VSTM4: variants seen among roughly 807,000 people sequenced by gnomAD.
VSTM4 encodes the protein V-set and transmembrane domain containing 4.
A neutral mutation model predicts 36.4 loss-of-function variants in VSTM4; 20 were observed. The ratio of observed to expected loss-of-function variants is 0.55; its 90% confidence interval spans 0.39 to 0.80. VSTM4 has a LOEUF of 0.80. Among genes scored for constraint, VSTM4 ranks in the 30% least tolerant of loss-of-function variants. The pLI is 0.00. For missense variants in VSTM4, 392 were observed against 404.5 expected (o/e 0.97, Z 0.26); for synonymous variants, 182 against 173.9 (o/e 1.05, Z -0.37).
At chr10:49,046,364 C>G (rs1457864687) in intron 7 of VSTM4, among the ~76,000 whole-genome samples, 1 of 152,152 alleles carries the variant, frequency 6.6e-6, no homozygotes, top group Admixed American at 6.5e-5. Flanking sequence ...TGTTGGAAAG[C>G]AAGGAGATGT....
At chr10:49,076,497 T>C (rs915271493) in intron 4 of VSTM4, among the ~76,000 whole-genome samples, 2 of 152,062 alleles carry the variant, frequency 1.3e-5, no homozygotes, top group African/African-American at 2.4e-5. Context: ...AGCCACAGTG[T>C]CCCCAAGCTG....
At chr10:49,093,742 CTTTT>C (rs35299738) in intron 2 of VSTM4, among the ~76,000 whole-genome samples, 1 of 103,660 alleles carries the variant, frequency 9.6e-6, no homozygotes. Flanking sequence ...CATAGTTACT[CTTTT>C]TTTTTTTTTT....
chr10:49,042,900 T>A (rs1221673846), intron 7 of VSTM4, among the ~76,000 whole-genome samples: 1 of 152,168 alleles, frequency 6.6e-6, no homozygotes, highest in Non-Finnish European at 1.5e-5. Context: ...TTACATGATG[T>A]TTGATCAGAG....
At chr10:49,025,940 G>T (rs1388152771) in intron 7 of VSTM4, among the ~76,000 whole-genome samples, 1 of 152,202 alleles carries the variant, frequency 6.6e-6, no homozygotes, top group South Asian at 2.1e-4. Flanking sequence ...CACATTTCAT[G>T]CTGGGGATGT....
intron 5 of VSTM4, among the ~76,000 whole-genome samples, chr10:49,055,206 G>C (rs1843758456): frequency 6.6e-6 from 1 of 152,140 alleles, no homozygotes. Context: ...ATCCTTCCAG[G>C]CCCCCTGAGC....
chr10:49,034,057 A>G (rs1255199378), intron 7 of VSTM4, among the ~76,000 whole-genome samples: 2 of 151,688 alleles, frequency 1.3e-5, no homozygotes, highest in Non-Finnish European at 2.9e-5. Context: ...CATCATCAAT[A>G]TTACCATTAT....
At chr10:49,046,674 A>T (rs557514221) in intron 7 of VSTM4, among the ~76,000 whole-genome samples, 3 of 152,200 alleles carry the variant, frequency 2.0e-5, no homozygotes, top group Non-Finnish European at 4.4e-5. Flanking sequence ...TCTTTGGAGT[A>T]ATTATCAGGT....
chr10:49,019,621 T>G lies in VSTM4; in HGVS notation c.*29A>C, dbSNP rs1843150079. On this transcript the variant is annotated 3_prime_UTR_variant, in exon 8 of 8. Transcript: ENST00000332853. ...TCATAAATCACTGGGTGGCAGGTAT[T>G]AAATAGAACCTTGGAGGTGGACGCT... The G allele has an allele frequency of 6.3e-7, 1 of 1,576,524 alleles. No individual in the cohort carries two copies. Among genetic ancestry groups the G allele is most frequent in the Non-Finnish European group, 8.6e-7 (1 of 1,159,158 alleles).
intron 2 of VSTM4, among the ~76,000 whole-genome samples, chr10:49,093,230 G>A (rs766581717): frequency 1.8e-4 from 28 of 152,072 alleles, no homozygotes; most frequent in Non-Finnish European, 3.4e-4. Context: ...GGCTTCAGGA[G>A]TTATAAACAT....
At chr10:49,035,997 A>G (rs1843424316) in intron 7 of VSTM4, among the ~76,000 whole-genome samples, 1 of 152,178 alleles carries the variant, frequency 6.6e-6, no homozygotes. Context: ...GGCAGGCAGT[A>G]GAGGGGCCTT....
chr10:49,115,046 C>T (rs1417654470), intron 1 of VSTM4, among the ~76,000 whole-genome samples: 1 of 152,190 alleles, frequency 6.6e-6, no homozygotes, highest in Non-Finnish European at 1.5e-5. Context: ...AGTTGCTGCT[C>T]CGAGGAATCT....
At chr10:49,114,583 A>G (rs1171301539) in intron 1 of VSTM4, among the ~76,000 whole-genome samples, 1 of 106,564 alleles carries the variant, frequency 9.4e-6, no homozygotes, top group Admixed American at 9.0e-5. Flanking sequence ...AACCAAGTTC[A>G]TGTTTTTTTT....
At chr10:49,099,731 G>A (rs1011211049) in intron 2 of VSTM4, among the ~76,000 whole-genome samples, 4 of 152,146 alleles carry the variant, frequency 2.6e-5, no homozygotes, top group African/African-American at 9.7e-5. Context: ...TAATAAAAAC[G>A]ACATCAACAA....
rs142915859 is a variant in VSTM4 at position 49,040,170 on chromosome 10, T to A, written c.837+6813A>T. ...CGCCTGTGTGATCCATGTGGCCTCATTATCTGATTAGCAGAACTTTGAAAG... is the reference window on the plus strand; with the variant it reads ...CGCCTGTGTGATCCATGTGGCCTCAATATCTGATTAGCAGAACTTTGAAAG... On this transcript the variant is annotated intron_variant, in intron 7 of 7. Coordinates refer to ENST00000332853, the MANE Select transcript of VSTM4 (RefSeq NM_001031746.5). Among the ~76,000 whole-genome samples the A allele has an allele frequency of 3.3e-3, 496 of 152,346 alleles. 11 individuals are homozygous for A. Among genetic ancestry groups the A allele is most frequent in the Non-Finnish European group, 2.5e-3 (171 of 68,026 alleles).
intron 2 of VSTM4, chr10:49,103,523 T>G: frequency 1.5e-6 from 2 of 1,292,596 alleles, no homozygotes; most frequent in Non-Finnish European, 2.0e-6. Flanking sequence ...ATATTACTTT[T>G]GCAATAGAAA....
At chr10:49,027,514 T>A (rs1169990141) in intron 7 of VSTM4, among the ~76,000 whole-genome samples, 1 of 152,178 alleles carries the variant, frequency 6.6e-6, no homozygotes, top group African/African-American at 2.4e-5. Flanking sequence ...CTAAGAATTG[T>A]AACACAGGTA....
At position 49,049,304 on chromosome 10, in the gene VSTM4, A is replaced by C. The variant is rs74698099; in HGVS notation, c.669-720T>G. ...CGGGAAGATAAGCCTTTTACATTAC[A>C]GGTAAGAAGGCCAAGGCTTAAATAG... On this transcript the variant is annotated intron_variant, in intron 5 of 7. Coordinates refer to ENST00000332853, the MANE Select transcript of VSTM4 (RefSeq NM_001031746.5). 1.6e-3 allele frequency among the ~76,000 whole-genome samples: 249 copies of C among 152,310 alleles called. 3 individuals are homozygous for C. The East Asian group carries it at 0.021, about 13-fold the overall frequency.
intron 7 of VSTM4, among the ~76,000 whole-genome samples, chr10:49,035,382 G>T (rs1050750506): frequency 2.0e-5 from 3 of 152,086 alleles, no homozygotes; most frequent in Admixed American, 6.5e-5. Context: ...GTCCTGAGGG[G>T]GCCAATTCCA....
chr10:49,052,499 G>T (rs1271280878), intron 5 of VSTM4, among the ~76,000 whole-genome samples: 1 of 150,478 alleles, frequency 6.6e-6, no homozygotes, highest in African/African-American at 2.4e-5. Flanking sequence ...AGGATCTTGA[G>T]CTTTTCTTAC....
Sources: gnomAD v4.1 joint callset for allele counts (sites outside exome capture counted in the v4.1 genomes callset) on GRCh38, gnomAD v4.1.1 for gene constraint, MANE v1.5 for transcripts, NCBI Gene and HGNC (gene_info 2026-07-23, HGNC 2026-07-21) for gene names.